USP15: variants seen among roughly 807,000 people sequenced by gnomAD.
USP15 encodes the protein ubiquitin specific peptidase 15, also known as ubiquitin carboxyl-terminal hydrolase 15.
USP15 carries 18 observed loss-of-function variants against 127.1 expected under a neutral mutation model. The observed-to-expected ratio is 0.14, with a 90% CI of 0.10 to 0.21. The LOEUF (loss-of-function observed/expected upper bound fraction) is 0.21. Ranked by LOEUF, USP15 falls within the 10% of genes least tolerant of loss-of-function variation. USP15 has a pLI of 1.00. For missense variants in USP15, 805 were observed against 1,159.9 expected, an observed-to-expected ratio of 0.69 and a Z score of 4.44; for synonymous variants, 364 against 393.7, an observed-to-expected ratio of 0.92 and a Z score of 0.89.
At chr12:62,293,720 C>G (rs560560486) in intron 1 of USP15, among the ~76,000 whole-genome samples, 3 of 152,164 alleles carry the variant, frequency 2.0e-5, no homozygotes, top group East Asian at 1.9e-4. Flanking sequence ...CATCTTGAAC[C>G]TCTCTCTCTG....
chr12:62,276,836 T>C (rs1402511707), intron 1 of USP15, among the ~76,000 whole-genome samples: 1 of 152,116 alleles, frequency 6.6e-6, no homozygotes, highest in African/African-American at 2.4e-5. Context: ...AAAGATCATA[T>C]AAAGTTATGA....
At chr12:62,392,493 T>C (rs1244083200) in intron 18 of USP15, 106 bp downstream of exon 18, 28 of 783,322 alleles carry the variant, frequency 3.6e-5, no homozygotes, top group Non-Finnish European at 4.8e-5. Flanking sequence ...CTTTGATGTT[T>C]TAAATAGTAA....
intron 4 of USP15, among the ~76,000 whole-genome samples, chr12:62,317,651 G>A (rs927927693): frequency 1.3e-5 from 2 of 152,164 alleles, no homozygotes; most frequent in Admixed American, 6.6e-5. Context: ...AAATAGCTAT[G>A]TATGTGAAAT....
intron 1 of USP15, among the ~76,000 whole-genome samples, chr12:62,265,267 C>T (rs148595827): frequency 1.2e-4 from 19 of 152,192 alleles, no homozygotes; most frequent in East Asian, 9.6e-4. Context: ...TTTGCTTCTA[C>T]GTAAGTGTAA....
intron 8 of USP15, among the ~76,000 whole-genome samples, chr12:62,379,615 G>T (rs76295956): frequency 6.6e-6 from 1 of 152,032 alleles, no homozygotes; most frequent in Non-Finnish European, 1.5e-5. Context: ...TGTAAATTAG[G>T]TTCTTTATAT....
At chr12:62,351,333 A>G (rs1302683186) in intron 7 of USP15, among the ~76,000 whole-genome samples, 1 of 151,230 alleles carries the variant, frequency 6.6e-6, no homozygotes, top group East Asian at 1.9e-4. Flanking sequence ...TTTGGTTTGT[A>G]TTACATGAGA....
At chr12:62,357,665 T>C (rs760843501) in intron 8 of USP15, among the ~76,000 whole-genome samples, 3 of 152,160 alleles carry the variant, frequency 2.0e-5, no homozygotes, top group Admixed American at 6.6e-5. Flanking sequence ...AAAATAAAAT[T>C]CTTCAAACAA....
intron 6 of USP15, chr12:62,336,356 T>A: frequency 1.0e-6 from 1 of 985,410 alleles, no homozygotes; most frequent in Non-Finnish European, 1.2e-6. Flanking sequence ...TAAACTGTCT[T>A]CATTTCCTGT....
intron 19 of USP15, chr12:62,393,943 A>G (rs2067401540): frequency 6.6e-6 from 1 of 152,222 alleles, no homozygotes; most frequent in African/African-American, 2.4e-5. Flanking sequence ...TAGAAGGATA[A>G]CACAGTAGTG....
chr12:62,368,526 GTTC>G (rs1306158813), intron 8 of USP15, among the ~76,000 whole-genome samples: 1 of 152,190 alleles, frequency 6.6e-6, no homozygotes, highest in Non-Finnish European at 1.5e-5. Context: ...AGGATAGTTA[GTTC>G]TTCTTGATGC....
At chr12:62,371,607 T>G (rs1360678327) in intron 8 of USP15, among the ~76,000 whole-genome samples, 1 of 152,200 alleles carries the variant, frequency 6.6e-6, no homozygotes, top group Non-Finnish European at 1.5e-5. Context: ...TTTATTTTTC[T>G]AGCGGTTCAT....
intron 1 of USP15, among the ~76,000 whole-genome samples, chr12:62,286,955 GATACAT>G (rs1316226759): frequency 1.4e-5 from 2 of 147,604 alleles, no homozygotes; most frequent in African/African-American, 2.5e-5. Flanking sequence ...AAAAAAAAGT[GATACAT>G]ATATACCATG....
chr12:62,318,989 G>C (rs908923825), intron 4 of USP15, among the ~76,000 whole-genome samples: 1 of 152,064 alleles, frequency 6.6e-6, no homozygotes, highest in Non-Finnish European at 1.5e-5. Flanking sequence ...TCCCACCTTT[G>C]ACCTTGAATT....
intron 8 of USP15, among the ~76,000 whole-genome samples, chr12:62,362,338 T>C (rs775308694): frequency 2.0e-5 from 3 of 152,160 alleles, no homozygotes; most frequent in Non-Finnish European, 2.9e-5. Flanking sequence ...TTTTTATGTT[T>C]AGTTCAAATG....
intron 1 of USP15, among the ~76,000 whole-genome samples, chr12:62,266,749 A>G (rs2063201556): frequency 6.6e-6 from 1 of 152,130 alleles, no homozygotes; most frequent in Non-Finnish European, 1.5e-5. Context: ...TATTTATATG[A>G]CTTATAGATG....
At chr12:62,403,248 G>T (rs996530171) in intron 21 of USP15, among the ~76,000 whole-genome samples, 1 of 152,072 alleles carries the variant, frequency 6.6e-6, no homozygotes, top group Non-Finnish European at 1.5e-5. Flanking sequence ...GAGTCACCTA[G>T]TGAGAGGATT....
chr12:62,409,447 A>C lies in USP15; in HGVS notation c.*5072A>C, dbSNP rs1252803190. ...ATCTCTCTGGAATTGAAAATGTGTA[A>C]AATAAGACCACACACTTTCAATATG... On this transcript the variant is annotated 3_prime_UTR_variant, in exon 22 of 22. Transcript: ENST00000280377. 6.6e-6 allele frequency: 1 copy of C among 152,184 alleles called. No homozygotes were observed. 9.4% of individuals were successfully genotyped at this position (152,184 alleles called of 1,614,324 possible).
chr12:62,273,337 T>C (rs1443578364), intron 1 of USP15, among the ~76,000 whole-genome samples: 2 of 152,094 alleles, frequency 1.3e-5, no homozygotes, highest in African/African-American at 2.4e-5. Flanking sequence ...ATTATGTACC[T>C]TGATTGCTTA....
At chr12:62,338,460 T>C (rs1381819589) in intron 6 of USP15, among the ~76,000 whole-genome samples, 1 of 152,222 alleles carries the variant, frequency 6.6e-6, no homozygotes, top group Non-Finnish European at 1.5e-5. Flanking sequence ...TCTTTTCCTG[T>C]GTAGAAGCTC....
Sources: allele counts gnomAD v4.1 joint callset (sites outside exome capture counted in the v4.1 genomes callset), GRCh38; gene constraint gnomAD v4.1.1; transcripts MANE v1.5; gene names NCBI Gene and HGNC (gene_info 2026-07-23, HGNC 2026-07-21).